The following PIP4K2A variants were observed in gnomAD, a reference collection of about 807,000 sequenced individuals.
PIP4K2A encodes phosphatidylinositol 5-phosphate 4-kinase type-2 alpha.
PIP4K2A carries 14 observed loss-of-function variants against 42.9 expected under a neutral mutation model. That is an observed-to-expected ratio of 0.33 (90% CI 0.22 to 0.51). The LOEUF (loss-of-function observed/expected upper bound fraction) is 0.51, where lower values mean the gene tolerates loss of function less well. Among genes scored for constraint, PIP4K2A ranks in the 20% least tolerant of loss-of-function variants. The probability of loss-of-function intolerance (pLI) is 0.97; values close to 1 mark genes in which losing one functional copy is unlikely to be tolerated. For synonymous variants in PIP4K2A, 192 were observed against 192.2 expected, an observed-to-expected ratio of 1.00 and a Z score of 0.01; for missense variants, 434 against 519.8, an observed-to-expected ratio of 0.83 and a Z score of 1.61.
intron 1 of PIP4K2A, among the ~76,000 whole-genome samples, chr10:22,655,316 T>C (rs1457218081): frequency 2.6e-5 from 4 of 152,204 alleles, no homozygotes; most frequent in Non-Finnish European, 4.4e-5. Flanking sequence ...TCCCTGTCTA[T>C]GCAGCCATGC....
intron 1 of PIP4K2A, among the ~76,000 whole-genome samples, chr10:22,617,815 G>A (rs937239983): frequency 2.6e-5 from 4 of 152,044 alleles, no homozygotes; most frequent in African/African-American, 9.7e-5. Flanking sequence ...AAAGGCCCGT[G>A]CATCCCTCCT....
At chr10:22,622,698 C>T (rs527478831) in intron 1 of PIP4K2A, among the ~76,000 whole-genome samples, 2 of 152,336 alleles carry the variant, frequency 1.3e-5, no homozygotes, top group South Asian at 2.1e-4. Context: ...CTTCCAGCAC[C>T]TCGTTCTAAA....
At chr10:22,711,428 G>T (rs1168651211) in intron 1 of PIP4K2A, among the ~76,000 whole-genome samples, 1 of 152,154 alleles carries the variant, frequency 6.6e-6, no homozygotes, top group Admixed American at 6.5e-5. Context: ...TGCTGCATTT[G>T]GAAGGTTATA....
At chr10:22,604,047 A>C (rs546282624) in intron 3 of PIP4K2A, among the ~76,000 whole-genome samples, 27 of 152,252 alleles carry the variant, frequency 1.8e-4, no homozygotes, top group African/African-American at 6.0e-4. Flanking sequence ...AGAGGTTTAC[A>C]TATGTATGTT....
intron 5 of PIP4K2A, chr10:22,568,895 G>A: frequency 4.1e-6 from 3 of 723,760 alleles, no homozygotes; most frequent in Middle Eastern, 2.3e-4. Flanking sequence ...TTCCCCTCCT[G>A]CACTGGACAC....
chr10:22,706,677 A>G (rs747895135), intron 1 of PIP4K2A, among the ~76,000 whole-genome samples: 1 of 152,216 alleles, frequency 6.6e-6, no homozygotes, highest in African/African-American at 2.4e-5. Flanking sequence ...GTGTCTCCAT[A>G]TTTAAAGACA....
At chr10:22,611,529 A>C (rs1838039394) in intron 1 of PIP4K2A, among the ~76,000 whole-genome samples, 1 of 152,220 alleles carries the variant, frequency 6.6e-6, no homozygotes, top group Non-Finnish European at 1.5e-5. Flanking sequence ...AAAGAGAAGA[A>C]AGGAATGGTG....
At position 22,540,212 on chromosome 10, in the gene PIP4K2A, CA is replaced by C. The variant is rs1836068676; in HGVS notation, c.1037-139del. The C allele has an allele frequency of 1.1e-5, 7 of 651,222 alleles. No individual in the cohort carries two copies. The South Asian group carries it at 1.2e-4, about 11-fold the overall frequency. The allele number at this position is 651,222 out of a possible 1,614,324, so 40.3% of individuals were successfully genotyped here. ...AACGCGGATGGAAGGAGTCCAGAGACAAACTCTACACCACCCCTGCGGATCC... is the reference window on the plus strand; with the variant it reads ...AACGCGGATGGAAGGAGTCCAGAGACAACTCTACACCACCCCTGCGGATCC... On this transcript the variant is annotated intron_variant, in intron 8 of 9. Coordinates refer to ENST00000376573, the MANE Select transcript of PIP4K2A (RefSeq NM_005028.5).
chr10:22,551,057 G>A (rs1323028858), intron 6 of PIP4K2A, among the ~76,000 whole-genome samples: 2 of 152,182 alleles, frequency 1.3e-5, no homozygotes, highest in East Asian at 3.8e-4. Context: ...TTTTTCAGAG[G>A]AATGAACCTG....
At chr10:22,648,319 A>T (rs1838926575) in intron 1 of PIP4K2A, among the ~76,000 whole-genome samples, 1 of 152,208 alleles carries the variant, frequency 6.6e-6, no homozygotes, top group African/African-American at 2.4e-5. Context: ...TTAATTCCTT[A>T]AGTCTGCTTA....
At chr10:22,543,926 G>A (rs1836193305) in intron 7 of PIP4K2A, among the ~76,000 whole-genome samples, 1 of 152,184 alleles carries the variant, frequency 6.6e-6, no homozygotes, top group Non-Finnish European at 1.5e-5. Flanking sequence ...CTCTCCGTGT[G>A]AGACAGCAGC....
intron 1 of PIP4K2A, among the ~76,000 whole-genome samples, chr10:22,665,093 A>G (rs1839321901): frequency 6.6e-6 from 1 of 152,218 alleles, no homozygotes; most frequent in Non-Finnish European, 1.5e-5. Context: ...ACATTCATAT[A>G]CAAACACACA....
chr10:22,592,970 G>A (rs1191980132), intron 3 of PIP4K2A, among the ~76,000 whole-genome samples: 1 of 152,196 alleles, frequency 6.6e-6, no homozygotes, highest in Admixed American at 6.5e-5. Context: ...CTTCAGAGGG[G>A]CAGGTGATAG....
intron 6 of PIP4K2A, among the ~76,000 whole-genome samples, chr10:22,563,668 T>C (rs979880112): frequency 2.6e-5 from 4 of 152,066 alleles, no homozygotes; most frequent in African/African-American, 4.8e-5. Flanking sequence ...GGCATAGTGG[T>C]TAGAAATGTG....
rs1290494643 is a variant in PIP4K2A, at chr10:22,701,014, C to CT, written c.144+13168dup. On this transcript the variant is annotated intron_variant, in intron 1 of 9. Coordinates refer to ENST00000376573, the MANE Select transcript of PIP4K2A (RefSeq NM_005028.5). ...CTGGAAATGCCACATACCCTTTATG[C>CT]TTTTCTATGCATTACTCTGCCTGTA... 3.9e-5 allele frequency among the ~76,000 whole-genome samples: 6 copies of CT among 152,290 alleles called. No homozygotes were observed. The East Asian group carries it at 7.7e-4, about 20-fold the overall frequency.
chr10:22,654,007 T>C (rs566802257), intron 1 of PIP4K2A, among the ~76,000 whole-genome samples: 34 of 152,320 alleles, frequency 2.2e-4, no homozygotes, highest in East Asian at 3.9e-4. Flanking sequence ...AAGCATTTTA[T>C]AAACAGTGGT....
chr10:22,653,082 T>C (rs1292846084), intron 1 of PIP4K2A, among the ~76,000 whole-genome samples: 1 of 151,364 alleles, frequency 6.6e-6, no homozygotes, highest in Non-Finnish European at 1.5e-5. Context: ...CAACAGAGTA[T>C]CTCAAAAAAA....
At position 22,680,017 on chromosome 10, in the gene PIP4K2A, T is replaced by C. The variant is rs7922750; in HGVS notation, c.144+34166A>G. Among the ~76,000 whole-genome samples, 721 of 151,888 alleles carry C rather than the reference T, an allele frequency of 4.7e-3. 6 individuals are homozygous for C. Among genetic ancestry groups the C allele is most frequent in the African/African-American group, 0.017 (690 of 41,336 alleles). On this transcript the variant is annotated intron_variant, in intron 1 of 9. Coordinates refer to ENST00000376573, the MANE Select transcript of PIP4K2A (RefSeq NM_005028.5). Reference sequence around the variant, plus strand: ...AGTAAATATACTAAAAAGCAATGAATTGCATATTCTAAATGGTATTTGAAT... The same window carrying C: ...AGTAAATATACTAAAAAGCAATGAACTGCATATTCTAAATGGTATTTGAAT...
intron 5 of PIP4K2A, among the ~76,000 whole-genome samples, chr10:22,570,575 G>A: frequency 6.6e-6 from 1 of 152,168 alleles, no homozygotes; most frequent in East Asian, 1.9e-4. Flanking sequence ...CAGTGTGTGG[G>A]GACTTCAGAG....
Sources: allele counts gnomAD v4.1 joint callset (sites outside exome capture counted in the v4.1 genomes callset), GRCh38; gene constraint gnomAD v4.1.1; transcripts MANE v1.5; gene names NCBI Gene and HGNC (gene_info 2026-07-23, HGNC 2026-07-21).